LOC128125817: variants seen among roughly 807,000 people sequenced by gnomAD.
the LOC128125817 span, among the ~76,000 whole-genome samples, chr1:41,593,311 CTTG>C: frequency 6.6e-6 from 1 of 152,158 alleles, no homozygotes; most frequent in Non-Finnish European, 1.5e-5. Context: ...TGATCTGCGA[CTTG>C]TTTTTTTTCT....
chr1:41,589,002 C>T, the LOC128125817 span, among the ~76,000 whole-genome samples: 1 of 152,156 alleles, frequency 6.6e-6, no homozygotes, highest in East Asian at 1.9e-4. Context: ...AAATGTGGTG[C>T]GGCATAAACC....
chr1:41,612,245 T>C, the LOC128125817 span, among the ~76,000 whole-genome samples: 3,532 of 152,284 alleles, frequency 0.023, 149 homozygotes, highest in African/African-American at 0.081. Context: ...GGGACCTCTT[T>C]CCATCTCAGA....
chr1:41,607,121 C>T, the LOC128125817 span, among the ~76,000 whole-genome samples: 1 of 152,112 alleles, frequency 6.6e-6, no homozygotes, highest in Non-Finnish European at 1.5e-5. Context: ...CCAAGCCTGG[C>T]CGTGTGTATT....
At chr1:41,589,904 A>T in the LOC128125817 span, among the ~76,000 whole-genome samples, 1 of 152,272 alleles carries the variant, frequency 6.6e-6, no homozygotes, top group Admixed American at 6.5e-5. Context: ...CAAAAATATA[A>T]GAAAACTTTC....
At chr1:41,617,033 C>T in the LOC128125817 span, among the ~76,000 whole-genome samples, 1 of 152,326 alleles carries the variant, frequency 6.6e-6, no homozygotes, top group African/African-American at 2.4e-5. Context: ...TGAACCCTGG[C>T]TGTCTGTCTT....
chr1:41,611,543 C>T, the LOC128125817 span, among the ~76,000 whole-genome samples: 29 of 152,358 alleles, frequency 1.9e-4, no homozygotes, highest in Non-Finnish European at 3.5e-4. Context: ...TTCCATCATG[C>T]GCCCAGGGGC....
At chr1:41,599,072 C>T in the LOC128125817 span, among the ~76,000 whole-genome samples, 7 of 152,122 alleles carry the variant, frequency 4.6e-5, no homozygotes, top group African/African-American at 1.7e-4. Context: ...CCACCTTGGC[C>T]TCCCAAAGTG....
the LOC128125817 span, among the ~76,000 whole-genome samples, chr1:41,600,931 A>G: frequency 6.6e-6 from 1 of 152,102 alleles, no homozygotes; most frequent in Non-Finnish European, 1.5e-5. Context: ...ATGTATGGTT[A>G]ATTTTTATGT....
the LOC128125817 span, among the ~76,000 whole-genome samples, chr1:41,600,276 T>A: frequency 1.3e-5 from 2 of 152,330 alleles, no homozygotes; most frequent in East Asian, 3.9e-4. Flanking sequence ...TCTATGTTCA[T>A]AGCGGCATGA....
chr1:41,624,127 T>A, the LOC128125817 span, among the ~76,000 whole-genome samples: 1 of 152,060 alleles, frequency 6.6e-6, no homozygotes, highest in Non-Finnish European at 1.5e-5. Flanking sequence ...CTGACTGCAC[T>A]CTCCACAGCA....
At chr1:41,610,648 G>C in the LOC128125817 span, among the ~76,000 whole-genome samples, 1 of 152,252 alleles carries the variant, frequency 6.6e-6, no homozygotes, top group Admixed American at 6.5e-5. Flanking sequence ...GTGAGGAGAG[G>C]ACCCCACAGG....
At chr1:41,601,730 T>G in the LOC128125817 span, among the ~76,000 whole-genome samples, 2 of 152,212 alleles carry the variant, frequency 1.3e-5, no homozygotes, top group South Asian at 4.1e-4. Context: ...CTTTAATTTT[T>G]TTTCTTGCCT....
the LOC128125817 span, among the ~76,000 whole-genome samples, chr1:41,603,130 G>A: frequency 3.9e-5 from 6 of 152,022 alleles, no homozygotes; most frequent in African/African-American, 1.4e-4. Context: ...GTAGCGGCGC[G>A]ATCTCTGCTC....
chr1:41,597,351 C>G, the LOC128125817 span, among the ~76,000 whole-genome samples: 1 of 152,206 alleles, frequency 6.6e-6, no homozygotes, highest in Non-Finnish European at 1.5e-5. Context: ...CTCTGCCAGA[C>G]TTGCAGAGGC....
chr1:41,585,689 C>T, the LOC128125817 span, among the ~76,000 whole-genome samples: 2 of 152,136 alleles, frequency 1.3e-5, no homozygotes, highest in East Asian at 1.9e-4. Context: ...TGGGTCTAAG[C>T]TCTCTAAGCC....
At chr1:41,628,617 G>A in the LOC128125817 span, 1 of 712,262 alleles carries the variant, frequency 1.4e-6, no homozygotes, top group Admixed American at 4.3e-5. Flanking sequence ...TTTCACAGAG[G>A]CACCAGAAAG....
At chr1:41,605,400 C>T in the LOC128125817 span, among the ~76,000 whole-genome samples, 102 of 152,008 alleles carry the variant, frequency 6.7e-4, 1 homozygote, top group African/African-American at 2.4e-3. Flanking sequence ...CACACACACA[C>T]ACACACATAC....
At chr1:41,609,984 G>A in the LOC128125817 span, among the ~76,000 whole-genome samples, 3 of 152,178 alleles carry the variant, frequency 2.0e-5, no homozygotes, top group African/African-American at 2.4e-5. Context: ...TCATCCACTC[G>A]GTTGAACGCC....
chr1:41,585,503 A>T, the LOC128125817 span, among the ~76,000 whole-genome samples: 1 of 152,074 alleles, frequency 6.6e-6, no homozygotes, highest in Non-Finnish European at 1.5e-5. Context: ...CAAGCCCTGC[A>T]ATTCTTTCCT....
Sources: gnomAD v4.1 joint callset for allele counts (sites outside exome capture counted in the v4.1 genomes callset) on GRCh38, gnomAD v4.1.1 for gene constraint, MANE v1.5 for transcripts.